Variants in KDM4D observed in about 807,000 individuals in gnomAD.
KDM4D encodes lysine demethylase 4D.
For missense variants in KDM4D, 427 were observed against 674.8 expected, an observed-to-expected ratio of 0.63 and a Z score of 4.07; for synonymous variants, 254 against 249.1, an observed-to-expected ratio of 1.02 and a Z score of -0.19.
intron 2 of KDM4D, among the ~76,000 whole-genome samples, chr11:94,985,243 A>G (rs1439968671): frequency 6.6e-6 from 1 of 152,158 alleles, no homozygotes; most frequent in Non-Finnish European, 1.5e-5. Context: ...TAAAACTAAA[A>G]ACGAAGTCCA....
Position 94,998,325 on chromosome 11 carries a change from C to T in KDM4D, c.953C>T (p.Thr318Ile). ...SQCSCGEARV[T>I]FSMDAFVRIL... ...TGTAGCTGTGGGGAGGCAAGGGTGA[C>T]CTTTTCCATGGATGCCTTCGTGCGC... Residue 318 changes from threonine (T) to isoleucine (I), a missense_variant, in exon 3 of 3, where the codon ACC becomes ATC. Coordinates refer to ENST00000335080, the MANE Select transcript of KDM4D (RefSeq NM_018039.3). This position sits in a 1 kb window ranked among gnomAD's most constrained non-coding sequence, Gnocchi z 6.7. 6.2e-7 allele frequency: 1 copy of T among 1,614,152 alleles called. No homozygotes were observed. The highest frequency in any genetic ancestry group is 1.1e-5 in the South Asian group (1 of 91,080).
intron 2 of KDM4D, among the ~76,000 whole-genome samples, chr11:94,984,148 C>T (rs868957870): frequency 1.3e-5 from 2 of 151,928 alleles, no homozygotes; most frequent in African/African-American, 2.4e-5. Context: ...TGCATATGTG[C>T]GTGTATGTAT....
chr11:94,984,976 G>C (rs1857872705), intron 2 of KDM4D, among the ~76,000 whole-genome samples: 1 of 152,254 alleles, frequency 6.6e-6, no homozygotes, highest in East Asian at 1.9e-4. Context: ...AGAGAGAACA[G>C]GATTTAAGAT....
At chr11:94,991,150 A>C (rs782031331) in intron 2 of KDM4D, among the ~76,000 whole-genome samples, 13 of 152,356 alleles carry the variant, frequency 8.5e-5, no homozygotes, top group Non-Finnish European at 1.8e-4. Context: ...TTTGCATTGA[A>C]TATGACCAGC....
At chr11:94,989,650 G>C (rs2134113507) in intron 2 of KDM4D, among the ~76,000 whole-genome samples, 1 of 151,712 alleles carries the variant, frequency 6.6e-6, no homozygotes, top group East Asian at 1.9e-4. Context: ...CACTCCTCTA[G>C]ATGTTCATAA....
rs1455750355 is a variant in KDM4D, at chr11:94,998,490, G to T, written c.1118G>T (p.Gly373Val). The change falls in exon 3 of 3, where the codon GGC (glycine) becomes GTC (valine). Residue 373 changes from glycine (G) to valine (V), a missense_variant. Transcript: ENST00000335080. The surrounding 1 kb of genome is among the most constrained non-coding windows in gnomAD (Gnocchi z 6.7). ...EVQLPRRAAL[G>V]LRQLPSHWAR... ...CAGTTACCCAGGAGAGCAGCGCTGGGCCTGAGACAACTCCCTTCCCACTGG... is the reference window on the plus strand; with the variant it reads ...CAGTTACCCAGGAGAGCAGCGCTGGTCCTGAGACAACTCCCTTCCCACTGG... The T allele has an allele frequency of 6.2e-7, 1 of 1,612,178 alleles. No homozygotes were observed. The highest frequency in any genetic ancestry group is 1.7e-5 in the Admixed American group (1 of 60,028).
At chr11:94,987,559 C>A (rs1425936051) in intron 2 of KDM4D, among the ~76,000 whole-genome samples, 1 of 152,200 alleles carries the variant, frequency 6.6e-6, no homozygotes, top group Non-Finnish European at 1.5e-5. Flanking sequence ...TGTAGGAGCA[C>A]TCTCAGTGAT....
chr11:94,985,548 A>ACTGGC (rs1243564686), intron 2 of KDM4D, among the ~76,000 whole-genome samples: 3 of 152,172 alleles, frequency 2.0e-5, no homozygotes, highest in Non-Finnish European at 4.4e-5. Context: ...CATCATTCCT[A>ACTGGC]CTGGCTTTTT....
chr11:94,985,523 T>C (rs1857877996), intron 2 of KDM4D, among the ~76,000 whole-genome samples: 1 of 152,210 alleles, frequency 6.6e-6, no homozygotes, highest in Non-Finnish European at 1.5e-5. Context: ...GATCTCCAGA[T>C]TGATGCAATC....
chr11:94,997,936 G>C lies in KDM4D; in HGVS notation c.564G>C (p.Thr188=). The part of the protein sequence containing the change: ...PYLYFGMWKT[T]FAWHTEDMDL... ...TGTACTTTGGCATGTGGAAAACCACGTTTGCTTGGCATACAGAGGACATGG... is the reference window on the plus strand; with the variant it reads ...TGTACTTTGGCATGTGGAAAACCACCTTTGCTTGGCATACAGAGGACATGG... Residue 188 remains threonine (T), a synonymous_variant, in exon 3 of 3, where the codon ACG becomes ACC. Transcript: ENST00000335080. The C allele has an allele frequency of 6.2e-7, 1 of 1,614,214 alleles. No homozygotes were observed. Among genetic ancestry groups the C allele is most frequent in the Non-Finnish European group, 8.5e-7 (1 of 1,180,038 alleles).
At chr11:94,975,387 A>C (rs1163134919) in intron 1 of KDM4D, among the ~76,000 whole-genome samples, 3 of 152,172 alleles carry the variant, frequency 2.0e-5, no homozygotes, top group African/African-American at 4.8e-5. Context: ...CAGCCTGCCC[A>C]TTTTTGTTCT....
chr11:94,974,171 G>A (rs1451408551), intron 1 of KDM4D, 103 bp downstream of exon 1: 2 of 152,226 alleles, frequency 1.3e-5, no homozygotes, highest in Non-Finnish European at 2.9e-5. Flanking sequence ...TGGGAGGGGA[G>A]ATGTCAGTAT....
Position 94,998,127 on chromosome 11 carries a change from C to T in KDM4D, c.755C>T (p.Thr252Ile), listed in dbSNP as rs782796507. The change falls in exon 3 of 3, where the codon ACA becomes ATA. Residue 252 changes from threonine to isoleucine, a missense_variant. Thr to Ile is a moderately conservative substitution (Grantham distance 89, BLOSUM62 -1). Coordinates refer to ENST00000335080, the MANE Select transcript of KDM4D (RefSeq NM_018039.3). This position sits in a 1 kb window ranked among gnomAD's most constrained non-coding sequence, Gnocchi z 6.7. ...LRHKVALISP[T>I]VLKENGIPFN... ...CACAAGGTGGCCCTCATCTCGCCTA[C>T]AGTTCTCAAGGAAAATGGGATTCCC... The T allele has an allele frequency of 6.2e-7, 1 of 1,614,154 alleles. No individual in the cohort carries two copies. Among genetic ancestry groups the T allele is most frequent in the South Asian group, 1.1e-5 (1 of 91,086 alleles).
At position 94,998,128 on chromosome 11, in the gene KDM4D, A is replaced by T. The variant is rs781908190; in HGVS notation, c.756A>T (p.Thr252=). 1.2e-6 allele frequency: 2 copies of T among 1,614,164 alleles called. No individual in the cohort carries two copies. Among genetic ancestry groups the T allele is most frequent in the Admixed American group, 1.7e-5 (1 of 60,034 alleles). Residue 252 remains threonine (T), a synonymous_variant, in exon 3 of 3, where the codon ACA becomes ACT. Transcript: ENST00000335080. The surrounding 1 kb of genome is among the most constrained non-coding windows in gnomAD (Gnocchi z 6.7). ...ACAAGGTGGCCCTCATCTCGCCTAC[A>T]GTTCTCAAGGAAAATGGGATTCCCT... is the stretch of plus-strand genomic sequence containing the variant. ...LRHKVALISP[T]VLKENGIPFN... is the part of the protein sequence containing the mutation.
intron 2 of KDM4D, 117 bp from the exon 3 acceptor site, chr11:94,996,907 T>G (rs1857979751): frequency 6.6e-6 from 1 of 152,610 alleles, no homozygotes; most frequent in Admixed American, 6.5e-5. Flanking sequence ...ATTATCAATC[T>G]TATAAAATTT....
At chr11:94,987,264 AATC>A (rs1857895610) in intron 2 of KDM4D, among the ~76,000 whole-genome samples, 1 of 152,188 alleles carries the variant, frequency 6.6e-6, no homozygotes. Context: ...ATATACAAAA[AATC>A]ATTGAAGTGT....
chr11:94,992,228 TTAAA>T (rs1175061404), intron 2 of KDM4D, among the ~76,000 whole-genome samples: 8 of 151,978 alleles, frequency 5.3e-5, no homozygotes, highest in East Asian at 3.9e-4. Context: ...AACATTTTTG[TTAAA>T]TAAATTTAAA....
Position 94,997,294 on chromosome 11 carries a change from T to A in KDM4D, c.-79T>A, listed in dbSNP as rs1430916492. ...TACCTCATAGATAACACCAGTCAAA[T>A]TTTTTTTTAAAGTAGCATTTTCCTA... On this transcript the variant is annotated 5_prime_UTR_variant, in exon 3 of 3. Transcript: ENST00000335080. 1.4e-5 allele frequency: 15 copies of A among 1,110,674 alleles called. No homozygotes were observed. Among genetic ancestry groups the A allele is most frequent in the Admixed American group, 5.3e-5 (2 of 37,554 alleles). The allele number at this position is 1,110,674 out of a possible 1,614,324, so 68.8% of individuals were successfully genotyped here. A position where few individuals can be genotyped will look rare whatever the true frequency, so the allele number is the denominator to read the frequency against.
At chr11:94,987,415 CA>C (rs1282398779) in intron 2 of KDM4D, among the ~76,000 whole-genome samples, 2 of 152,068 alleles carry the variant, frequency 1.3e-5, no homozygotes, top group African/African-American at 2.4e-5. Context: ...TTTCTCAAAA[CA>C]AAAACTCGGA....
Sources: gnomAD v4.1 joint callset for allele counts (sites outside exome capture counted in the v4.1 genomes callset) on GRCh38, gnomAD v4.1.1 for gene constraint, Gnocchi (gnomAD v3.1) non-coding constraint, MANE v1.5 for transcripts, NCBI Gene and HGNC (gene_info 2026-07-23, HGNC 2026-07-21) for gene names.